Variants in PLCG2 observed in about 807,000 individuals in gnomAD.
The protein encoded by PLCG2 is 1-phosphatidylinositol 4,5-bisphosphate phosphodiesterase gamma-2.
PLCG2 carries 69 observed loss-of-function variants against 175.6 expected under a neutral mutation model. The observed-to-expected ratio is 0.39, with a 90% CI of 0.32 to 0.48. The LOEUF is 0.48. Ranked by LOEUF, PLCG2 falls within the 20% of genes least tolerant of loss-of-function variation. PLCG2 has a pLI of 0.91. For missense variants in PLCG2, 1,798 were observed against 1,650.9 expected (o/e 1.09, Z -1.54); for synonymous variants, 827 against 624.0 (o/e 1.33, Z -4.85).
intron 1 of PLCG2, chr16:81,740,154 A>AAG (rs1909557026): frequency 6.6e-6 from 1 of 151,512 alleles, no homozygotes; most frequent in Non-Finnish European, 1.5e-5. Context: ...AAAAAAAAAA[A>AAG]AAAAGAAAGA....
At chr16:81,946,372 T>TTGGCAGATGGA in intron 31 of PLCG2, 109 bp downstream of exon 31, 1 of 785,914 alleles carries the variant, frequency 1.3e-6, no homozygotes, top group Non-Finnish European at 2.3e-6. Context: ...TTCAGAATTG[T>TTGGCAGATGGA]CTAGCCCAAG....
rs754747909 is a variant in PLCG2, at chr16:81,908,608, A to G, written c.1733+17A>G. 8.2e-6 allele frequency: 13 copies of G among 1,592,320 alleles called. No individual in the cohort carries two copies. The Admixed American group carries it at 1.4e-4, about 17-fold the overall frequency. On this transcript the variant is annotated intron_variant, in intron 17 of 32. Transcript: ENST00000564138. Reference sequence around the variant, plus strand: ...GTCCTTCTGGTAATGCCCCCGACCCAGGGAACGCCTACCTTCTTCTCCATG... The same window carrying G: ...GTCCTTCTGGTAATGCCCCCGACCCGGGGAACGCCTACCTTCTTCTCCATG...
At chr16:81,811,763 C>G (rs963392129) in intron 2 of PLCG2, among the ~76,000 whole-genome samples, 2 of 152,168 alleles carry the variant, frequency 1.3e-5, no homozygotes, top group Non-Finnish European at 2.9e-5. Context: ...TTTATCCAGT[C>G]TATCATCGAT....
In PLCG2 at chr16:81,885,600, T is replaced by C. The variant is rs532508549; in HGVS notation, c.765+2259T>C. On this transcript the variant is annotated intron_variant, in intron 9 of 32. Transcript: ENST00000564138. ...GCGTCATTTTGTTTGTAAATACTTC[T>C]GTATGTTTCTCTCACAGATAGAACT... 2.6e-5 allele frequency among the ~76,000 whole-genome samples: 4 copies of C among 151,766 alleles called. No individual in the cohort carries two copies. The South Asian group carries it at 6.3e-4, about 24-fold the overall frequency.
chr16:81,907,649 G>C (rs750246956), intron 15 of PLCG2, 36 bp from the exon 16 acceptor site: 1 of 1,486,964 alleles, frequency 6.7e-7, no homozygotes, highest in Admixed American at 1.7e-5. Context: ...TGAGGTAGAG[G>C]ACTTGGGGGG....
chr16:81,807,508 A>C (rs186004655), intron 2 of PLCG2, among the ~76,000 whole-genome samples: 1 of 152,342 alleles, frequency 6.6e-6, no homozygotes, highest in African/African-American at 2.4e-5. Context: ...CACTAACGCC[A>C]CCATAAGAGC....
intron 31 of PLCG2, among the ~76,000 whole-genome samples, chr16:81,954,774 G>A (rs957065158): frequency 6.6e-6 from 1 of 152,134 alleles, no homozygotes. Context: ...TGTCTTTGCT[G>A]TTGTACATGG....
intron 2 of PLCG2, among the ~76,000 whole-genome samples, chr16:81,818,379 A>G (rs747125764): frequency 1.3e-5 from 2 of 152,078 alleles, no homozygotes; most frequent in African/African-American, 4.8e-5. Context: ...TCTTTCTCAG[A>G]CTGTCAGCTC....
rs745784908 is a variant in PLCG2 at position 81,912,660 on chromosome 16, C to A, written c.1998C>A (p.Asp666Glu). 1 of 1,612,900 alleles carries A rather than the reference C, an allele frequency of 6.2e-7. No individual in the cohort carries two copies. The highest frequency in any genetic ancestry group is 1.1e-5 in the South Asian group (1 of 90,650). Reference protein sequence around the residue: ...AEDMLMRIPRDGAFLIRKREG... With the variant: ...AEDMLMRIPREGAFLIRKREG... ...ACATGCTGATGAGGATTCCCCGGGA[C>A]GGGGCCTTCCTGATCCGGAAGCGAG... Residue 666 changes from aspartate (D) to glutamate (E), a missense_variant, in exon 19 of 33, where the codon GAC (aspartate) becomes GAA (glutamate). Transcript: ENST00000564138.
intron 1 of PLCG2, 176 bp from the exon 2 acceptor site, chr16:81,785,767 C>T (rs1452603034): frequency 6.0e-6 from 3 of 497,144 alleles, no homozygotes; most frequent in Non-Finnish European, 1.1e-5. Context: ...TCCATTTAAA[C>T]CTTTGTGTCC....
intron 2 of PLCG2, among the ~76,000 whole-genome samples, chr16:81,804,582 G>A (rs1176701478): frequency 6.6e-6 from 1 of 152,166 alleles, no homozygotes; most frequent in Non-Finnish European, 1.5e-5. Flanking sequence ...ACCATTTTTT[G>A]AAGTTAGTAA....
intron 19 of PLCG2, among the ~76,000 whole-genome samples, chr16:81,914,059 G>C (rs74032910): frequency 0.019 from 2,844 of 152,322 alleles, 86 homozygotes; most frequent in African/African-American, 0.066. Flanking sequence ...AAGCCTCTTA[G>C]TGGTACCTCC....
At chr16:81,920,892 G>C (rs1910032374) in intron 20 of PLCG2, among the ~76,000 whole-genome samples, 1 of 152,196 alleles carries the variant, frequency 6.6e-6, no homozygotes, top group Non-Finnish European at 1.5e-5. Context: ...GTGGGCTTTT[G>C]TGAGCCGGGA....
intron 2 of PLCG2, among the ~76,000 whole-genome samples, chr16:81,849,347 G>A (rs1023520290): frequency 6.6e-6 from 1 of 152,204 alleles, no homozygotes; most frequent in Non-Finnish European, 1.5e-5. Flanking sequence ...AATTTCAGAA[G>A]TAGAATTGTT....
At chr16:81,783,633 G>A (rs976486431) in intron 1 of PLCG2, among the ~76,000 whole-genome samples, 12 of 152,136 alleles carry the variant, frequency 7.9e-5, no homozygotes, top group African/African-American at 2.2e-4. Context: ...TTCCGCTGCC[G>A]TATTTCCCAT....
At chr16:81,829,871 C>T (rs951009698) in intron 2 of PLCG2, among the ~76,000 whole-genome samples, 1 of 150,996 alleles carries the variant, frequency 6.6e-6, no homozygotes, top group Non-Finnish European at 1.5e-5. Flanking sequence ...AGTGGGGGGG[C>T]GTGTGTATTT....
At chr16:81,909,230 TAGTTGTGATG>T (rs749510563) in intron 17 of PLCG2, among the ~76,000 whole-genome samples, 50 of 152,288 alleles carry the variant, frequency 3.3e-4, no homozygotes, top group Non-Finnish European at 6.0e-4. Context: ...TTTGCAAGTA[TAGTTGTGATG>T]AGTGCAATGA....
Position 81,939,826 on chromosome 16 carries a change from G to C in PLCG2, c.3314-66G>C. On this transcript the variant is annotated intron_variant, in intron 29 of 32. Transcript: ENST00000564138. ...AAGGGGATTCACAGCTGAAGGATGC[G>C]GAGATTGTCTTACCAGAAGGGGGCA... The C allele has an allele frequency of 5.7e-6, 6 of 1,051,920 alleles. No individual in the cohort carries two copies. In the Admixed American group the frequency reaches 1.1e-4, roughly 19 times the overall value. 65.2% of individuals were successfully genotyped at this position (1,051,920 alleles called of 1,614,324 possible).
chr16:81,801,809 T>G (rs1322674265), intron 2 of PLCG2, among the ~76,000 whole-genome samples: 2 of 152,050 alleles, frequency 1.3e-5, no homozygotes, highest in African/African-American at 4.8e-5. Flanking sequence ...GCTTCCCCAG[T>G]AGCTGGGATT....
Sources: allele counts gnomAD v4.1 joint callset (sites outside exome capture counted in the v4.1 genomes callset), GRCh38; gene constraint gnomAD v4.1.1; transcripts MANE v1.5; gene names NCBI Gene and HGNC (gene_info 2026-07-23, HGNC 2026-07-21).